SGPL1: variants seen among roughly 807,000 people sequenced by gnomAD.
SGPL1 encodes sphingosine-1-phosphate lyase 1.
Under a neutral mutation model 68.9 loss-of-function variants are expected in SGPL1, and 37 were observed. That is an observed-to-expected ratio of 0.54 (90% CI 0.41 to 0.71). SGPL1 has a LOEUF of 0.71. Among genes scored for constraint, SGPL1 ranks in the 30% least tolerant of loss-of-function variants. SGPL1 has a pLI of 0.00. For missense variants in SGPL1, 551 were observed against 704.6 expected (o/e 0.78, Z 2.47); for synonymous variants, 236 against 248.5 (o/e 0.95, Z 0.47).
chr10:70,818,664 G>A (rs550583223), intron 2 of SGPL1, among the ~76,000 whole-genome samples: 1 of 152,310 alleles, frequency 6.6e-6, no homozygotes, highest in African/African-American at 2.4e-5. Context: ...ATTGTGATTT[G>A]AGGCAGGGAT....
At chr10:70,831,749 T>C (rs1368882131) in intron 2 of SGPL1, among the ~76,000 whole-genome samples, 1 of 152,044 alleles carries the variant, frequency 6.6e-6, no homozygotes, top group Non-Finnish European at 1.5e-5. Context: ...TTGACAACCA[T>C]GTAGAAATGT....
chr10:70,839,412 G>A (rs1245337537), intron 2 of SGPL1, among the ~76,000 whole-genome samples: 2 of 151,348 alleles, frequency 1.3e-5, no homozygotes, highest in Admixed American at 6.6e-5. Context: ...TTTACTTATA[G>A]AAACTGTACT....
intron 5 of SGPL1, among the ~76,000 whole-genome samples, chr10:70,856,079 C>T (rs993792150): frequency 6.6e-6 from 1 of 152,168 alleles, no homozygotes; most frequent in Non-Finnish European, 1.5e-5. Context: ...ACTGCAACTT[C>T]CACCTTCCAG....
chr10:70,877,497 A>G lies in SGPL1; in HGVS notation c.*162A>G, dbSNP rs575988164. ...CCTCAGGATTCTTGTTCTTCCTCTT[A>G]TCTTCCTTTTGTGGTTTTTAATTTG... On this transcript the variant is annotated 3_prime_UTR_variant, in exon 15 of 15. Coordinates refer to ENST00000373202, the MANE Select transcript of SGPL1 (RefSeq NM_003901.4). 1 of 570,904 alleles carries G rather than the reference A, an allele frequency of 1.8e-6. No individual in the cohort carries two copies. The highest frequency in any genetic ancestry group is 2.7e-5 in the East Asian group (1 of 37,198). The allele number at this position is 570,904 out of a possible 1,614,324, so 35.4% of individuals were successfully genotyped here. A position where few individuals can be genotyped will look rare whatever the true frequency, so the allele number is the denominator to read the frequency against.
At chr10:70,854,454 T>G (rs1213745960) in intron 4 of SGPL1, among the ~76,000 whole-genome samples, 1 of 152,146 alleles carries the variant, frequency 6.6e-6, no homozygotes, top group Non-Finnish European at 1.5e-5. Context: ...TGATAATAGG[T>G]GTAAGCCACC....
intron 7 of SGPL1, among the ~76,000 whole-genome samples, chr10:70,862,079 C>G (rs554210302): frequency 6.6e-6 from 1 of 152,252 alleles, no homozygotes; most frequent in African/African-American, 2.4e-5. Flanking sequence ...CAGCTCCACC[C>G]GCAGCCCCGG....
chr10:70,834,302 A>G (rs1279026520), intron 2 of SGPL1, among the ~76,000 whole-genome samples: 1 of 152,096 alleles, frequency 6.6e-6, no homozygotes, highest in African/African-American at 2.4e-5. Flanking sequence ...GATGATATTG[A>G]TGTACCCCCA....
chr10:70,843,107 C>G (rs1318596168), intron 2 of SGPL1, among the ~76,000 whole-genome samples: 2 of 152,156 alleles, frequency 1.3e-5, no homozygotes, highest in African/African-American at 4.8e-5. Flanking sequence ...TTCTTTCATC[C>G]TTTTAACCAG....
chr10:70,868,573 C>T lies in SGPL1; in HGVS notation c.704+140C>T, dbSNP rs1261675265. 5.9e-6 allele frequency: 4 copies of T among 678,144 alleles called. No homozygotes were observed. The Admixed American group carries it at 9.2e-5, about 16-fold the overall frequency. 42.0% of individuals were successfully genotyped at this position (678,144 alleles called of 1,614,324 possible). ...GGTCCCCTTTCCCCCTGTCCTAGCC[C>T]CTCTGCCCTTATCCTTTTACATTCA... is the stretch of plus-strand genomic sequence containing the variant. On this transcript the variant is annotated intron_variant, in intron 8 of 14. Transcript: ENST00000373202.
chr10:70,877,240 G>T lies in SGPL1; in HGVS notation c.1612G>T (p.Val538Phe). Residue 538 changes from valine to phenylalanine, a missense_variant, in exon 15 of 15, where the codon GTT becomes TTT. Val to Phe is a conservative substitution (Grantham distance 50). Transcript: ENST00000373202. Reference protein sequence around the residue: ...MAQTTVDRNMVAELSSVFLDS... With the variant: ...MAQTTVDRNMFAELSSVFLDS... ...CCAGACAACTGTTGACAGGAATATG[G>T]TTGCAGAATTGTCCTCAGTCTTCTT... The T allele has an allele frequency of 2.5e-6, 4 of 1,614,160 alleles. No homozygotes were observed. The highest frequency in any genetic ancestry group is 3.4e-6 in the Non-Finnish European group (4 of 1,179,972).
chr10:70,822,852 T>C (rs1845365744), intron 2 of SGPL1, among the ~76,000 whole-genome samples: 1 of 151,302 alleles, frequency 6.6e-6, no homozygotes, highest in South Asian at 2.1e-4. Context: ...CCTCTATTGG[T>C]AATATGACAG....
chr10:70,822,633 G>T (rs1215723369), intron 2 of SGPL1, among the ~76,000 whole-genome samples: 1 of 152,164 alleles, frequency 6.6e-6, no homozygotes, highest in Non-Finnish European at 1.5e-5. Context: ...AGATGGAATG[G>T]TGAAGGCTGC....
chr10:70,861,413 G>C (rs1661791268), intron 7 of SGPL1, among the ~76,000 whole-genome samples: 1 of 152,216 alleles, frequency 6.6e-6, no homozygotes, highest in South Asian at 2.1e-4. Flanking sequence ...GGGGGTAGAT[G>C]AAAGATTGGC....
rs1245898468 is a variant in SGPL1, at chr10:70,875,420, C to T, written c.1317C>T (p.Gly439=). The T allele has an allele frequency of 6.2e-7, 1 of 1,610,246 alleles. No homozygotes were observed. Among genetic ancestry groups the T allele is most frequent in the Non-Finnish European group, 8.5e-7 (1 of 1,177,084 alleles). ...TTTTAAGACTGGAAAATATCAAAGG[C>T]ATCTTTGTTTTTGGGAATCCCCAAT... is the stretch of plus-strand genomic sequence containing the variant. ...FLKSELENIK[G]IFVFGNPQLS... The change falls in exon 13 of 15, where the codon GGC becomes GGT. Residue 439 remains glycine (G), a synonymous_variant. Coordinates refer to ENST00000373202, the MANE Select transcript of SGPL1 (RefSeq NM_003901.4).
At chr10:70,842,063 A>G (rs1589455808) in intron 2 of SGPL1, among the ~76,000 whole-genome samples, 1 of 152,112 alleles carries the variant, frequency 6.6e-6, no homozygotes, top group African/African-American at 2.4e-5. Context: ...ACCTGATACT[A>G]TGTTCTGGAA....
rs1490649443 is a variant in SGPL1, at chr10:70,873,476, A to G, written c.1185A>G (p.Ser395=). The G allele has an allele frequency of 4.3e-6, 7 of 1,614,056 alleles. No individual in the cohort carries two copies. Among genetic ancestry groups the G allele is most frequent in the Non-Finnish European group, 5.9e-6 (7 of 1,179,968 alleles). Reference sequence around the variant, plus strand: ...ATGCTTCCCCAACCATCGCAGGCTCACGGCCTGGTGGCATTAGCGCAGCCT... The same window carrying G: ...ATGCTTCCCCAACCATCGCAGGCTCGCGGCCTGGTGGCATTAGCGCAGCCT... ...GIYASPTIAG[S]RPGGISAACW... is the part of the protein sequence containing the mutation. Residue 395 remains serine (S), a synonymous_variant, in exon 12 of 15, where the codon TCA becomes TCG. Transcript: ENST00000373202.
intron 4 of SGPL1, among the ~76,000 whole-genome samples, chr10:70,851,476 C>T (rs1845880568): frequency 6.6e-6 from 1 of 151,894 alleles, no homozygotes; most frequent in Non-Finnish European, 1.5e-5. Context: ...CCACCAAACA[C>T]AGAATTATCT....
chr10:70,825,507 A>G (rs1845417351), intron 2 of SGPL1, among the ~76,000 whole-genome samples: 2 of 152,226 alleles, frequency 1.3e-5, no homozygotes, highest in African/African-American at 2.4e-5. Flanking sequence ...TTGAAGGTGG[A>G]TAGCATATGG....
intron 7 of SGPL1, chr10:70,860,376 TC>T (rs779931027): frequency 2.5e-4 from 114 of 465,034 alleles, no homozygotes; most frequent in African/African-American, 2.3e-3. Context: ...TAATTTAGTT[TC>T]TTTTTTTTTT....
Sources: gnomAD v4.1 joint callset for allele counts (sites outside exome capture counted in the v4.1 genomes callset) on GRCh38, gnomAD v4.1.1 for gene constraint, MANE v1.5 for transcripts, NCBI Gene and HGNC (gene_info 2026-07-23, HGNC 2026-07-21) for gene names.